The following TNR variants were observed in gnomAD, a reference collection of about 807,000 sequenced individuals.
TNR encodes the protein tenascin-R.
Under a neutral mutation model 150.4 loss-of-function variants are expected in TNR, and 45 were observed. That is an observed-to-expected ratio of 0.30 (90% confidence interval 0.24 to 0.38). The LOEUF (loss-of-function observed/expected upper bound fraction) is 0.38, where lower values mean the gene tolerates loss of function less well. Ranked by LOEUF, TNR falls within the 10% of genes least tolerant of loss-of-function variation. The pLI is 1.00. For missense variants in TNR, 1,544 were observed against 1,759.1 expected (o/e 0.88, Z 2.19); for synonymous variants, 687 against 678.4 (o/e 1.01, Z -0.20).
intron 2 of TNR, among the ~76,000 whole-genome samples, chr1:175,480,474 A>G (rs886099587): frequency 3.3e-5 from 5 of 151,970 alleles, no homozygotes; most frequent in African/African-American, 1.2e-4. Context: ...AAAAAAGAAA[A>G]GAAAAGAAAA....
At chr1:175,738,866 C>T (rs1269257582) in intron 1 of TNR, among the ~76,000 whole-genome samples, 1 of 152,170 alleles carries the variant, frequency 6.6e-6, no homozygotes, top group African/African-American at 2.4e-5. Flanking sequence ...GGAGATGAAA[C>T]TCTAGTTAGG....
At chr1:175,588,486 G>C (rs10913023) in intron 1 of TNR, among the ~76,000 whole-genome samples, 6,464 of 152,218 alleles carry the variant, frequency 0.042, 169 homozygotes, top group Non-Finnish European at 0.068. Context: ...TAGCTGCTGG[G>C]ATTATCACAA....
At chr1:175,515,146 A>G (rs1237841975) in intron 2 of TNR, among the ~76,000 whole-genome samples, 1 of 152,162 alleles carries the variant, frequency 6.6e-6, no homozygotes, top group African/African-American at 2.4e-5. Context: ...AAATCATGTG[A>G]TCGGGTGTAT....
intron 1 of TNR, among the ~76,000 whole-genome samples, chr1:175,621,334 CT>C (rs1310100433): frequency 2.0e-5 from 3 of 152,182 alleles, no homozygotes; most frequent in Middle Eastern, 3.2e-3. Context: ...AGTCCAAATC[CT>C]TACCTTGAAT....
At chr1:175,447,317 C>T (rs73042498) in intron 2 of TNR, among the ~76,000 whole-genome samples, 20,598 of 152,174 alleles carry the variant, frequency 0.14, 3,068 homozygotes, top group African/African-American at 0.37. Flanking sequence ...CCTCCTGCTT[C>T]TCTGAAGGTT....
chr1:175,331,090 T>C lies in TNR; in HGVS notation c.3632-855A>G, dbSNP rs866533407. On this transcript the variant is annotated intron_variant, in intron 20 of 22. Coordinates refer to ENST00000367674, the MANE Select transcript of TNR (RefSeq NM_003285.3). The stretch of plus-strand genomic sequence containing the variant: ...CTTTCTTTCTTTCCTTCTTTCTTTC[T>C]TTCTTTCTTTCTCTCTCTCTTTCTT... Among the ~76,000 whole-genome samples the C allele has an allele frequency of 4.4e-3, 519 of 117,244 alleles. 9 individuals carry two copies. The highest frequency in any genetic ancestry group is 5.4e-3 in the African/African-American group (159 of 29,638). The allele number at this position is 117,244 out of a possible 152,430, so 76.9% of individuals were successfully genotyped here.
rs573023762 is a variant in TNR at position 175,579,735 on chromosome 1, G to A, written c.-164-51366C>T. On this transcript the variant is annotated intron_variant, in intron 1 of 22. Coordinates refer to ENST00000367674, the MANE Select transcript of TNR (RefSeq NM_003285.3). ...AGGAGACAAAGAGGCCAGGGCAGGG[G>A]TTCCGTCCTTGGAAATAGAGGGGAG... is the stretch of plus-strand genomic sequence containing the variant. Among the ~76,000 whole-genome samples the A allele has an allele frequency of 2.2e-4, 34 of 151,764 alleles. 1 individual carries two copies. In the East Asian group the frequency reaches 2.3e-3, roughly 10 times the overall value.
intron 8 of TNR, among the ~76,000 whole-genome samples, chr1:175,383,633 G>T (rs1331569005): frequency 6.6e-6 from 1 of 152,220 alleles, no homozygotes; most frequent in East Asian, 1.9e-4. Flanking sequence ...GCAAATCTCT[G>T]CTTTAATTGC....
At chr1:175,375,196 G>A (rs1465203210) in intron 9 of TNR, among the ~76,000 whole-genome samples, 1 of 146,780 alleles carries the variant, frequency 6.8e-6, no homozygotes. Flanking sequence ...TTTTGTTGCT[G>A]CCCAGAAAGC....
intron 20 of TNR, among the ~76,000 whole-genome samples, chr1:175,331,047 T>TTCTTTCTTTCTTTCTTTCTCTTTCCTTC (rs1649777051): frequency 1.1e-5 from 1 of 91,006 alleles, no homozygotes; most frequent in African/African-American, 4.3e-5. Context: ...CTTTCTTTCT[T>TTCTTTCTTTCTTTCTTTCTCTTTCCTTC]TCTTTCTTTC....
intron 2 of TNR, among the ~76,000 whole-genome samples, chr1:175,427,893 C>A (rs1164115730): frequency 1.9e-5 from 2 of 103,296 alleles, no homozygotes; most frequent in Admixed American, 8.6e-5. Context: ...TTCTTCGCTT[C>A]CTTCCTTCCT....
chr1:175,677,663 G>A (rs763149457), intron 1 of TNR, among the ~76,000 whole-genome samples: 3 of 152,216 alleles, frequency 2.0e-5, no homozygotes, highest in Admixed American at 6.5e-5. Context: ...GAAGGTACAA[G>A]GAGAGGCAGA....
intron 21 of TNR, among the ~76,000 whole-genome samples, chr1:175,326,675 A>AT (rs1440087613): frequency 2.0e-5 from 3 of 151,794 alleles, no homozygotes; most frequent in African/African-American, 4.8e-5. Flanking sequence ...TTATTTATTT[A>AT]TTTTTTTGGT....
intron 1 of TNR, among the ~76,000 whole-genome samples, chr1:175,736,420 C>G (rs566102108): frequency 6.6e-6 from 1 of 152,048 alleles, no homozygotes; most frequent in East Asian, 1.9e-4. Flanking sequence ...ACTTGGGAGG[C>G]TGAGGCAAGA....
chr1:175,391,186 A>G, intron 7 of TNR, 102 bp downstream of exon 7: 1 of 1,460,634 alleles, frequency 6.8e-7, no homozygotes, highest in South Asian at 1.4e-5. Flanking sequence ...TCTAGGAGAA[A>G]TTCTAGCACC....
Position 175,365,283 on chromosome 1 carries a change from C to T in TNR, c.2318-4G>A. The T allele has an allele frequency of 1.3e-6, 2 of 1,595,554 alleles. No homozygotes were observed. Among genetic ancestry groups the T allele is most frequent in the Non-Finnish European group, 1.7e-6 (2 of 1,168,626 alleles). ...AGATGAGAGATGGGACGGAAGCCTG[C>T]AAAGCAAAGGAGATGGATGGTCCTG... On this transcript the variant is annotated splice_region_variant and splice_polypyrimidine_tract_variant and intron_variant, in intron 11 of 22. Coordinates refer to ENST00000367674, the MANE Select transcript of TNR (RefSeq NM_003285.3).
At chr1:175,389,113 A>G (rs1386016156) in intron 7 of TNR, among the ~76,000 whole-genome samples, 1 of 152,212 alleles carries the variant, frequency 6.6e-6, no homozygotes, top group East Asian at 1.9e-4. Context: ...TGCACCTGCT[A>G]TTGTTGGGCT....
chr1:175,562,118 A>C (rs945337595), intron 1 of TNR, among the ~76,000 whole-genome samples: 3 of 152,230 alleles, frequency 2.0e-5, no homozygotes. Flanking sequence ...TTTGATGTAC[A>C]TGATGGTGCT....
Position 175,654,719 on chromosome 1 carries a change from C to CTT in TNR, c.-165+88505_-165+88506dup, listed in dbSNP as rs36087120. Among the ~76,000 whole-genome samples, 375 of 74,704 alleles carry CTT rather than the reference C, an allele frequency of 5.0e-3. 4 individuals carry two copies. The highest frequency in any genetic ancestry group is 0.014 in the African/African-American group (252 of 18,610). 49.0% of individuals were successfully genotyped at this position (74,704 alleles called of 152,430 possible). On this transcript the variant is annotated intron_variant, in intron 1 of 22. Transcript: ENST00000367674. Reference sequence around the variant, plus strand: ...CACTATCTCCAACAAAAGTTCCCTTCTTTTTTTTTTTTTTTTTTTTTTTTG... The same window carrying CTT: ...CACTATCTCCAACAAAAGTTCCCTTCTTTTTTTTTTTTTTTTTTTTTTTTTTG...
Sources: gnomAD v4.1 joint callset for allele counts (sites outside exome capture counted in the v4.1 genomes callset) on GRCh38, gnomAD v4.1.1 for gene constraint, MANE v1.5 for transcripts, NCBI Gene and HGNC (gene_info 2026-07-23, HGNC 2026-07-21) for gene names.